RPS6KA1: variants seen among roughly 807,000 people sequenced by gnomAD.
The protein encoded by RPS6KA1 is ribosomal protein S6 kinase A1, also known as ribosomal protein S6 kinase alpha-1.
Under a neutral mutation model 91.3 loss-of-function variants are expected in RPS6KA1, and 48 were observed. The observed-to-expected ratio is 0.53, with a 90% CI of 0.42 to 0.67. RPS6KA1 has a LOEUF of 0.67. Among genes scored for constraint, RPS6KA1 ranks in the 30% least tolerant of loss-of-function variants. The pLI is 0.00. For synonymous variants in RPS6KA1, 359 were observed against 384.7 expected, an observed-to-expected ratio of 0.93 and a Z score of 0.78; for missense variants, 719 against 960.5, an observed-to-expected ratio of 0.75 and a Z score of 3.32.
chr1:26,551,507 A>T lies in RPS6KA1; in HGVS notation c.388+30A>T. 6.2e-7 allele frequency: 1 copy of T among 1,610,726 alleles called. No individual in the cohort carries two copies. The highest frequency in any genetic ancestry group is 8.5e-7 in the Non-Finnish European group (1 of 1,177,160). ...AGCTTCTGGCCCTGCCTGAGCTCCT[A>T]CCCCACCCATCCTTCGCCCTTGCCT... On this transcript the variant is annotated intron_variant, in intron 5 of 21. Transcript: ENST00000374168. This position sits in a 1 kb window ranked among gnomAD's most constrained non-coding sequence, Gnocchi z 4.5.
At chr1:26,542,001 C>A (rs1276123670) in intron 2 of RPS6KA1, among the ~76,000 whole-genome samples, 1 of 152,162 alleles carries the variant, frequency 6.6e-6, no homozygotes, top group Admixed American at 6.5e-5. Flanking sequence ...TGGCTGTCCT[C>A]CCCCCGCCCG....
rs1324595875 is a variant in RPS6KA1 at position 26,551,611 on chromosome 1, C to T, written c.389-33C>T. The T allele has an allele frequency of 3.7e-6, 6 of 1,607,510 alleles. No individual in the cohort carries two copies. The highest frequency in any genetic ancestry group is 2.2e-5 in the East Asian group (1 of 44,844). On this transcript the variant is annotated intron_variant, in intron 5 of 21. Transcript: ENST00000374168. The surrounding 1 kb of genome is among the most constrained non-coding windows in gnomAD (Gnocchi z 4.5). ...GGAGAAGCAGATCATAAGGCCGCGC[C>T]GACTCTACCATTGCCTTTCTCCCTC... is the stretch of plus-strand genomic sequence containing the variant.
At chr1:26,543,285 T>A (rs1345627985) in intron 2 of RPS6KA1, 13 of 1,269,792 alleles carry the variant, frequency 1.0e-5, no homozygotes, top group Non-Finnish European at 1.2e-5. Flanking sequence ...GGAATGGGTT[T>A]GGGGGTGGCT....
intron 11 of RPS6KA1, chr1:26,556,156 G>A (rs1180007782): frequency 3.0e-5 from 6 of 201,620 alleles, no homozygotes; most frequent in African/African-American, 6.9e-5. Context: ...TGAACATGCC[G>A]GCATGTAGTA....
At chr1:26,556,170 G>A (rs1382653092) in intron 11 of RPS6KA1, 4 of 204,482 alleles carry the variant, frequency 2.0e-5, no homozygotes, top group East Asian at 1.2e-4. Context: ...TGTAGTAGGT[G>A]TCCAGTGTGT....
intron 1 of RPS6KA1, among the ~76,000 whole-genome samples, chr1:26,533,442 A>G (rs1288278541): frequency 6.6e-6 from 1 of 152,142 alleles, no homozygotes; most frequent in African/African-American, 2.4e-5. Flanking sequence ...GTGGTGGCTC[A>G]TGACTGTAAT....
chr1:26,569,159 G>A (rs1398849492), intron 17 of RPS6KA1, among the ~76,000 whole-genome samples: 1 of 142,132 alleles, frequency 7.0e-6, no homozygotes, highest in Non-Finnish European at 1.5e-5. Context: ...CTGCTGGCGA[G>A]ACTCCATCTC....
At chr1:26,565,200 G>T (rs1427832700) in intron 17 of RPS6KA1, among the ~76,000 whole-genome samples, 1 of 152,182 alleles carries the variant, frequency 6.6e-6, no homozygotes, top group Non-Finnish European at 1.5e-5. Flanking sequence ...GATATTTGGA[G>T]TGGATCCTCT....
chr1:26,541,698 C>T (rs1235532826), intron 2 of RPS6KA1, among the ~76,000 whole-genome samples: 1 of 152,262 alleles, frequency 6.6e-6, no homozygotes, highest in African/African-American at 2.4e-5. Context: ...CCCCTCCTCA[C>T]CTGCCTGGAG....
At chr1:26,552,386 CAAAA>C (rs1197852280) in intron 6 of RPS6KA1, among the ~76,000 whole-genome samples, 1 of 54,908 alleles carries the variant, frequency 1.8e-5, no homozygotes, top group Non-Finnish European at 3.0e-5. Flanking sequence ...GACTCTGTCT[CAAAA>C]AAAAAAAAAA....
chr1:26,569,169 CAA>C (rs61293169), intron 17 of RPS6KA1, among the ~76,000 whole-genome samples: 51,074 of 139,724 alleles, frequency 0.37, 9,450 homozygotes, highest in East Asian at 0.75. Context: ...GACTCCATCT[CAA>C]AAAAAAAAAA....
chr1:26,530,116 C>T (rs2124606608), intron 1 of RPS6KA1, 133 bp downstream of exon 1: 1 of 466,544 alleles, frequency 2.1e-6, no homozygotes, highest in South Asian at 8.3e-5. Context: ...ATCTCTTGCC[C>T]ACTGTCCGGC....
At chr1:26,564,362 C>T (rs1267307096) in intron 17 of RPS6KA1, among the ~76,000 whole-genome samples, 3 of 152,142 alleles carry the variant, frequency 2.0e-5, no homozygotes, top group Admixed American at 2.0e-4. Context: ...AGGTTCACGC[C>T]ATTCTCCTGC....
At position 26,571,904 on chromosome 1, in the gene RPS6KA1, T is replaced by A; in HGVS notation, c.1808T>A (p.Leu603Gln). 6.2e-7 allele frequency: 1 copy of A among 1,611,944 alleles called. No individual in the cohort carries two copies. Among genetic ancestry groups the A allele is most frequent in the Non-Finnish European group, 8.5e-7 (1 of 1,179,956 alleles). Reference sequence around the variant, plus strand: ...TGCGACATCTGGAGCCTGGGCATTCTGCTGTACACCATGCTGGCAGGGTGA... The same window carrying A: ...TGCGACATCTGGAGCCTGGGCATTCAGCTGTACACCATGCTGGCAGGGTGA... ...EGCDIWSLGI[L>Q]LYTMLAGYTP... Residue 603 changes from leucine (L) to glutamine (Q), a missense_variant, in exon 19 of 22, where the codon CTG becomes CAG. Leu to Gln is a moderately radical substitution (Grantham distance 113). Coordinates refer to ENST00000374168, the MANE Select transcript of RPS6KA1 (RefSeq NM_002953.4). The surrounding 1 kb of genome is among the most constrained non-coding windows in gnomAD (Gnocchi z 5.1).
At chr1:26,536,152 TAA>T (rs35238041) in intron 1 of RPS6KA1, among the ~76,000 whole-genome samples, 21 of 74,424 alleles carry the variant, frequency 2.8e-4, no homozygotes, top group Admixed American at 9.2e-4. Flanking sequence ...AAACTCTGTC[TAA>T]AAAAAAAAAA....
rs375217569 is a variant in RPS6KA1, at chr1:26,561,472, G to A, written c.1432-33G>A. The A allele has an allele frequency of 1.9e-6, 3 of 1,613,844 alleles. No individual in the cohort carries two copies. The African/African-American group carries it at 4.0e-5, about 22-fold the overall frequency. On this transcript the variant is annotated intron_variant, in intron 16 of 21. Coordinates refer to ENST00000374168, the MANE Select transcript of RPS6KA1 (RefSeq NM_002953.4). This position sits in a 1 kb window ranked among gnomAD's most constrained non-coding sequence, Gnocchi z 5.7. The stretch of plus-strand genomic sequence containing the variant: ...ACCAGGGGGCTCAGGCCTGACACTG[G>A]GGAGAAGAGCCTGATGGTGAGGTCT...
chr1:26,553,789 G>T, intron 7 of RPS6KA1: 1 of 259,436 alleles, frequency 3.9e-6, no homozygotes, highest in Non-Finnish European at 7.3e-6. Context: ...AAGCCCTATA[G>T]AATTTTCCCT....
rs1004101463 is a variant in RPS6KA1, at chr1:26,551,986, T to C, written c.468+263T>C. Among the ~76,000 whole-genome samples the C allele has an allele frequency of 6.6e-6, 1 of 152,238 alleles. No homozygotes were observed. Among genetic ancestry groups the C allele is most frequent in the Non-Finnish European group, 1.5e-5 (1 of 68,044 alleles). ...CTCTGCACCTGCCTTCTTCCAGGGCTGCTCTGGGCAGAGGTGTGAAGATAG... is the reference window on the plus strand; with the variant it reads ...CTCTGCACCTGCCTTCTTCCAGGGCCGCTCTGGGCAGAGGTGTGAAGATAG... On this transcript the variant is annotated intron_variant, in intron 6 of 21. Transcript: ENST00000374168. This position sits in a 1 kb window ranked among gnomAD's most constrained non-coding sequence, Gnocchi z 4.5.
At chr1:26,568,491 G>A (rs1348540502) in intron 17 of RPS6KA1, among the ~76,000 whole-genome samples, 1 of 152,202 alleles carries the variant, frequency 6.6e-6, no homozygotes, top group Non-Finnish European at 1.5e-5. Context: ...GCTCACGCCT[G>A]TAATCCCAGC....
Sources: gnomAD v4.1 joint callset for allele counts (sites outside exome capture counted in the v4.1 genomes callset) on GRCh38, gnomAD v4.1.1 for gene constraint, Gnocchi (gnomAD v3.1) non-coding constraint, MANE v1.5 for transcripts, NCBI Gene and HGNC (gene_info 2026-07-23, HGNC 2026-07-21) for gene names.